IARS2: variants seen among roughly 807,000 people sequenced by gnomAD.
IARS2 encodes the protein isoleucyl-tRNA synthetase 2, mitochondrial, also known as isoleucine--tRNA ligase, mitochondrial.
Under a neutral mutation model 126.3 loss-of-function variants are expected in IARS2, and 56 were observed. The ratio of observed to expected loss-of-function variants is 0.44; its 90% CI spans 0.36 to 0.55. The LOEUF (loss-of-function observed/expected upper bound fraction) is 0.55, where lower values mean the gene tolerates loss of function less well. Ranked by LOEUF, IARS2 falls within the 20% of genes least tolerant of loss-of-function variation. The probability of loss-of-function intolerance (pLI) is 0.00; values close to 1 mark genes in which losing one functional copy is unlikely to be tolerated. For synonymous variants in IARS2, 407 were observed against 441.1 expected (o/e 0.92, Z 0.97); for missense variants, 1,127 against 1,245.9 (o/e 0.90, Z 1.44).
chr1:220,110,076 A>C (rs1315012127), intron 10 of IARS2, among the ~76,000 whole-genome samples: 2 of 151,726 alleles, frequency 1.3e-5, no homozygotes, highest in East Asian at 3.9e-4. Context: ...TTTTTGTGAG[A>C]CAGAGTCTCG....
chr1:220,138,826 G>A (rs1410637204), intron 17 of IARS2, among the ~76,000 whole-genome samples, 182 bp from the exon 18 acceptor site: 1 of 152,086 alleles, frequency 6.6e-6, no homozygotes, highest in Non-Finnish European at 1.5e-5. Flanking sequence ...TGGGCTATTG[G>A]AATAAGAGTT....
At chr1:220,133,944 GA>G (rs796631656) in intron 14 of IARS2, among the ~76,000 whole-genome samples, 528 of 139,046 alleles carry the variant, frequency 3.8e-3, no homozygotes, top group African/African-American at 0.01. Context: ...GTGGAAAGAG[GA>G]AAAAAAAAAA....
chr1:220,131,712 C>T (rs796576705), intron 14 of IARS2, among the ~76,000 whole-genome samples: 7 of 152,132 alleles, frequency 4.6e-5, no homozygotes, highest in African/African-American at 1.7e-4. Flanking sequence ...TCTCGAACTC[C>T]TGACCTCAAG....
chr1:220,125,950 C>CA (rs1247537149), intron 13 of IARS2, among the ~76,000 whole-genome samples: 3 of 150,336 alleles, frequency 2.0e-5, no homozygotes, highest in African/African-American at 2.4e-5. Context: ...ACTAAAAATA[C>CA]AAAAAAATTA....
At chr1:220,137,814 C>A in intron 16 of IARS2, 104 bp from the exon 17 acceptor site, 3 of 1,273,940 alleles carry the variant, frequency 2.4e-6, no homozygotes, top group South Asian at 1.3e-5. Flanking sequence ...TTTGTACTTA[C>A]ATTGTGCTCA....
At position 220,130,896 on chromosome 1, in the gene IARS2, A is replaced by G. The variant is rs573852573; in HGVS notation, c.1838-3506A>G. 2.1e-4 allele frequency among the ~76,000 whole-genome samples: 32 copies of G among 152,292 alleles called. 1 individual carries two copies. Among genetic ancestry groups the G allele is most frequent in the South Asian group, 1.2e-3 (6 of 4,820 alleles). On this transcript the variant is annotated intron_variant, in intron 14 of 22. Coordinates refer to ENST00000366922, the MANE Select transcript of IARS2 (RefSeq NM_018060.4). ...TGCCTTTGTTGGAAATCAGTTGGCA[A>G]TAAACTGGTAGATTTATTTCTGGGT...
rs1558116804 is a variant in IARS2, at chr1:220,094,214, A to G, written c.-3A>G. ...GGACCCCGCTCTCAGGGGTTGCCGG[A>G]CCATGCGTTGGGGGCTGCGCCCTCG... On this transcript the variant is annotated 5_prime_UTR_variant, in exon 1 of 23. Transcript: ENST00000366922. The G allele has an allele frequency of 6.4e-7, 1 of 1,565,824 alleles. No individual in the cohort carries two copies. Among genetic ancestry groups the G allele is most frequent in the Non-Finnish European group, 8.6e-7 (1 of 1,158,256 alleles).
intron 17 of IARS2, 43 bp from the exon 18 acceptor site, chr1:220,138,965 C>A: frequency 1.9e-6 from 3 of 1,566,470 alleles, no homozygotes; most frequent in African/African-American, 2.7e-5. Context: ...TTGAAGGCAC[C>A]ATTAGATTTT....
At chr1:220,141,212 G>A (rs1028759855) in intron 19 of IARS2, among the ~76,000 whole-genome samples, 3 of 152,184 alleles carry the variant, frequency 2.0e-5, no homozygotes, top group Admixed American at 6.5e-5. Context: ...AATATCAGAC[G>A]ATGAACATAA....
intron 22 of IARS2, among the ~76,000 whole-genome samples, chr1:220,147,129 T>C (rs1657613125): frequency 6.6e-6 from 1 of 152,244 alleles, no homozygotes; most frequent in Non-Finnish European, 1.5e-5. Context: ...GTCACTATAA[T>C]TTGACTTTTA....
At chr1:220,117,224 T>A (rs1175659365) in intron 12 of IARS2, among the ~76,000 whole-genome samples, 1 of 125,384 alleles carries the variant, frequency 8.0e-6, no homozygotes, top group Non-Finnish European at 1.6e-5. Context: ...GGAGTTTCAC[T>A]CTTGTTTCCT....
rs182587274 is a variant in IARS2 at position 220,145,209 on chromosome 1, A to T, written c.2752-300A>T. ...TTGTTTCTTCATTTGTAAAGTGAGG[A>T]TAATAAACACCATATAGGTTTTTTT... On this transcript the variant is annotated intron_variant, in intron 21 of 22. Transcript: ENST00000366922. Among the ~76,000 whole-genome samples, 57 of 152,242 alleles carry T rather than the reference A, an allele frequency of 3.7e-4. No homozygotes were observed. In the East Asian group the frequency reaches 0.011, roughly 28 times the overall value.
Position 220,125,109 on chromosome 1 carries a change from TAGC to T in IARS2, c.1641-124_1641-122del, listed in dbSNP as rs879196621. The T allele has an allele frequency of 8.4e-4, 432 of 513,130 alleles. 2 individuals carry two copies. The highest frequency in any genetic ancestry group is 1.3e-3 in the African/African-American group (70 of 52,720). The allele number at this position is 513,130 out of a possible 1,614,324, so 31.8% of individuals were successfully genotyped here. A position where few individuals can be genotyped will look rare whatever the true frequency, so the allele number is the denominator to read the frequency against. On this transcript the variant is annotated intron_variant, in intron 12 of 22. Transcript: ENST00000366922. ...TTTATTTATATTGAATTTAAAATGA[TAGC>T]AGCTTTTTCTTCAAACTAAGGTTTG...
At chr1:220,136,634 CAAAAAAA>C (rs775927970) in intron 15 of IARS2, among the ~76,000 whole-genome samples, 168 bp from the exon 16 acceptor site, 3 of 63,124 alleles carry the variant, frequency 4.8e-5, no homozygotes, top group Admixed American at 1.6e-4. Flanking sequence ...GACTCCATCT[CAAAAAAA>C]AAAAAAAAAA....
intron 12 of IARS2, among the ~76,000 whole-genome samples, chr1:220,117,336 C>T (rs1656936699): frequency 6.6e-6 from 1 of 151,600 alleles, no homozygotes; most frequent in Non-Finnish European, 1.5e-5. Context: ...GGATTAGAGG[C>T]ATGTGCCACC....
chr1:220,131,408 A>G (rs180765200), intron 14 of IARS2, among the ~76,000 whole-genome samples: 241 of 152,024 alleles, frequency 1.6e-3, no homozygotes, highest in African/African-American at 5.4e-3. Context: ...CTGGAGTGCA[A>G]TGGCGTGACC....
At chr1:220,110,555 G>A (rs531678996) in intron 10 of IARS2, among the ~76,000 whole-genome samples, 2 of 152,172 alleles carry the variant, frequency 1.3e-5, no homozygotes, top group South Asian at 2.1e-4. Flanking sequence ...TAGTAGAGAC[G>A]AGGTTTCACC....
At chr1:220,131,572 G>A (rs1657267631) in intron 14 of IARS2, among the ~76,000 whole-genome samples, 1 of 151,938 alleles carries the variant, frequency 6.6e-6, no homozygotes, top group Middle Eastern at 3.2e-3. Context: ...GCTGGACTCA[G>A]AACTCCCCAC....
rs1269625252 is a variant in IARS2, at chr1:220,096,122, C to G, written c.286C>G (p.Leu96Val). ...EIQQKCGFSE[L>V]YSWQRERKVK... is the part of the protein sequence containing the mutation. ...AAAACAGAAATGTGGATTTTCAGAA[C>G]TTTATTCATGGCAAAGAGAAAGAAA... Residue 96 changes from leucine (L) to valine (V), a missense_variant, in exon 2 of 23, where the codon CTT becomes GTT. By Grantham distance (32) the Leu-to-Val change is conservative. Coordinates refer to ENST00000366922, the MANE Select transcript of IARS2 (RefSeq NM_018060.4). The G allele has an allele frequency of 8.1e-6, 12 of 1,473,312 alleles. No individual in the cohort carries two copies. Among genetic ancestry groups the G allele is most frequent in the Non-Finnish European group, 1.0e-5 (11 of 1,064,978 alleles). The allele number at this position is 1,473,312 out of a possible 1,614,324, so 91.3% of individuals were successfully genotyped here. A position where few individuals can be genotyped will look rare whatever the true frequency, so the allele number is the denominator to read the frequency against.
Sources: allele counts gnomAD v4.1 joint callset (sites outside exome capture counted in the v4.1 genomes callset), GRCh38; gene constraint gnomAD v4.1.1; transcripts MANE v1.5; gene names NCBI Gene and HGNC (gene_info 2026-07-23, HGNC 2026-07-21).